Variants in PRKN observed in about 807,000 individuals in gnomAD.
The protein encoded by PRKN is E3 ubiquitin-protein ligase parkin.
A neutral mutation model predicts 59.5 loss-of-function variants in PRKN; 56 were observed. That is an observed-to-expected ratio of 0.94 (90% CI 0.76 to 1.18). PRKN has a LOEUF of 1.18. Among genes scored for constraint, PRKN ranks in the 50% most tolerant of loss-of-function variants. PRKN has a pLI of 0.00. For missense variants in PRKN, 657 were observed against 596.4 expected, an observed-to-expected ratio of 1.10 and a Z score of -1.06; for synonymous variants, 250 against 222.1, an observed-to-expected ratio of 1.13 and a Z score of -1.12.
chr6:161,965,200 T>G (rs1364191502), intron 6 of PRKN, among the ~76,000 whole-genome samples: 1 of 152,086 alleles, frequency 6.6e-6, no homozygotes. Context: ...CAATCCATTG[T>G]GGCATTGCTT....
intron 1 of PRKN, among the ~76,000 whole-genome samples, chr6:162,466,829 G>A (rs1379962354): frequency 3.3e-5 from 5 of 151,234 alleles, no homozygotes; most frequent in Non-Finnish European, 5.9e-5. Flanking sequence ...ATTTATTAAA[G>A]GCTAGGTGGA....
At chr6:161,432,905 A>C (rs1194992339) in intron 9 of PRKN, among the ~76,000 whole-genome samples, 1 of 152,142 alleles carries the variant, frequency 6.6e-6, no homozygotes, top group East Asian at 1.9e-4. Context: ...TTCTAAATGC[A>C]CAAAATAAAA....
intron 6 of PRKN, among the ~76,000 whole-genome samples, chr6:161,894,837 T>G (rs1040904117): frequency 2.0e-5 from 3 of 152,222 alleles, no homozygotes; most frequent in Admixed American, 6.5e-5. Flanking sequence ...TGGACAAATG[T>G]GGTCCATCAT....
At position 161,779,440 on chromosome 6, in the gene PRKN, C is replaced by CTTTTT. The variant is rs10683923; in HGVS notation, c.871+6327_871+6331dup. Among the ~76,000 whole-genome samples the CTTTTT allele has an allele frequency of 5.6e-3, 233 of 41,800 alleles. 46 individuals carry two copies. Among genetic ancestry groups the CTTTTT allele is most frequent in the African/African-American group, 8.7e-3 (87 of 10,022 alleles). The allele number at this position is 41,800 out of a possible 152,430, so 27.4% of individuals were successfully genotyped here. A position where few individuals can be genotyped will look rare whatever the true frequency, so the allele number is the denominator to read the frequency against. On this transcript the variant is annotated intron_variant, in intron 7 of 11. Transcript: ENST00000366898. Reference sequence around the variant, plus strand: ...TTTTTTTCTCTTTTTCTTTTCTTTTCTTTTTTTTTTTTTTTTTTTTTTGAG... The same window carrying CTTTTT: ...TTTTTTTCTCTTTTTCTTTTCTTTTCTTTTTTTTTTTTTTTTTTTTTTTTTTTGAG...
rs944699467 is a variant in PRKN, at chr6:161,400,659, T to C, written c.1084-13782A>G. ...GACAAAGAAATTCAGATTTTTTTTTTTTCGAATAAAGGATGCTGTGTTTAT... is the reference window on the plus strand; with the variant it reads ...GACAAAGAAATTCAGATTTTTTTTTCTTCGAATAAAGGATGCTGTGTTTAT... On this transcript the variant is annotated intron_variant, in intron 9 of 11. Coordinates refer to ENST00000366898, the MANE Select transcript of PRKN (RefSeq NM_004562.3). The surrounding 1 kb of genome is among the most constrained non-coding windows in gnomAD (Gnocchi z 4.2). Among the ~76,000 whole-genome samples the C allele has an allele frequency of 1.6e-4, 24 of 152,094 alleles. No homozygotes were observed. The highest frequency in any genetic ancestry group is 3.1e-4 in the Non-Finnish European group (21 of 67,992).
At chr6:162,349,688 G>A (rs1334271349) in intron 2 of PRKN, among the ~76,000 whole-genome samples, 1 of 152,172 alleles carries the variant, frequency 6.6e-6, no homozygotes, top group Non-Finnish European at 1.5e-5. Context: ...GGGAAGAGAA[G>A]TAAACTTCCT....
At chr6:162,703,533 T>A (rs1778232007) in intron 1 of PRKN, among the ~76,000 whole-genome samples, 1 of 152,226 alleles carries the variant, frequency 6.6e-6, no homozygotes, top group South Asian at 2.1e-4. Context: ...CGGCTCCAAC[T>A]TACTCTTCAT....
At chr6:162,523,307 G>A (rs549921038) in intron 1 of PRKN, among the ~76,000 whole-genome samples, 1 of 152,146 alleles carries the variant, frequency 6.6e-6, no homozygotes, top group African/African-American at 2.4e-5. Flanking sequence ...TAGATGTGAC[G>A]AGCTGAAAGT....
intron 9 of PRKN, among the ~76,000 whole-genome samples, chr6:161,517,064 G>A (rs556251695): frequency 2.6e-5 from 4 of 152,214 alleles, no homozygotes; most frequent in African/African-American, 4.8e-5. Context: ...TTCAACTTAC[G>A]ATGGAGTAAA....
intron 6 of PRKN, 89 bp downstream of exon 6, chr6:161,973,213 T>C (rs2128251918): frequency 2.3e-6 from 2 of 860,792 alleles, no homozygotes; most frequent in Non-Finnish European, 4.0e-6. Flanking sequence ...CAGAACAATA[T>C]TGGGAAAGTA....
intron 9 of PRKN, among the ~76,000 whole-genome samples, chr6:161,443,106 G>A (rs1789320435): frequency 6.6e-6 from 1 of 152,024 alleles, no homozygotes; most frequent in African/African-American, 2.4e-5. Flanking sequence ...TCGGGAGTTC[G>A]AGGCCAGCCT....
chr6:162,198,256 A>T (rs1422969677), intron 4 of PRKN, among the ~76,000 whole-genome samples: 1 of 152,050 alleles, frequency 6.6e-6, no homozygotes, highest in East Asian at 1.9e-4. Context: ...ATAGAGGTGG[A>T]GCCGAGACTA....
intron 9 of PRKN, among the ~76,000 whole-genome samples, chr6:161,504,255 T>C (rs1333743683): frequency 6.6e-6 from 1 of 152,138 alleles, no homozygotes; most frequent in Non-Finnish European, 1.5e-5. Flanking sequence ...GAACACAGCG[T>C]TATCTGCACC....
At chr6:161,977,704 C>T (rs1018565122) in intron 5 of PRKN, among the ~76,000 whole-genome samples, 22 of 151,708 alleles carry the variant, frequency 1.5e-4, no homozygotes, top group African/African-American at 2.2e-4. Context: ...CCCGCCACCA[C>T]GCCCGGCTAC....
intron 1 of PRKN, among the ~76,000 whole-genome samples, chr6:162,617,562 C>T (rs1314187729): frequency 8.0e-6 from 1 of 125,564 alleles, no homozygotes; most frequent in African/African-American, 3.4e-5. Context: ...TGATCAGCAT[C>T]CCATGCAATT....
At chr6:162,349,441 T>C (rs1359890065) in intron 2 of PRKN, among the ~76,000 whole-genome samples, 1 of 152,140 alleles carries the variant, frequency 6.6e-6, no homozygotes, top group African/African-American at 2.4e-5. Context: ...CACTCCAACC[T>C]GGGCAAGAGA....
At chr6:162,677,611 A>T (rs571341185) in intron 1 of PRKN, among the ~76,000 whole-genome samples, 1 of 152,208 alleles carries the variant, frequency 6.6e-6, no homozygotes, top group African/African-American at 2.4e-5. Flanking sequence ...ACTCTGTCAG[A>T]GGTGAATATA....
intron 1 of PRKN, among the ~76,000 whole-genome samples, chr6:162,509,414 C>A (rs1777485372): frequency 6.6e-6 from 1 of 151,894 alleles, no homozygotes; most frequent in African/African-American, 2.4e-5. Flanking sequence ...TGCCATATTC[C>A]CTGAATATTT....
At chr6:162,266,154 C>T (rs1780121041) in intron 2 of PRKN, among the ~76,000 whole-genome samples, 1 of 152,118 alleles carries the variant, frequency 6.6e-6, no homozygotes, top group African/African-American at 2.4e-5. Context: ...TTTTCCCTAC[C>T]TTTCCATGTT....
Sources: allele counts gnomAD v4.1 joint callset (sites outside exome capture counted in the v4.1 genomes callset), GRCh38; gene constraint gnomAD v4.1.1; non-coding constraint Gnocchi (gnomAD v3.1); transcripts MANE v1.5; gene names NCBI Gene and HGNC (gene_info 2026-07-23, HGNC 2026-07-21).